TENM1: variants seen among roughly 807,000 people sequenced by gnomAD.
TENM1 encodes the protein teneurin transmembrane protein 1, also known as teneurin-1.
Under a neutral mutation model 174.8 loss-of-function variants are expected in TENM1, and 35 were observed. The ratio of observed to expected loss-of-function variants is 0.20; its 90% confidence interval spans 0.15 to 0.27. The LOEUF (loss-of-function observed/expected upper bound fraction) is 0.27. Among genes scored for constraint, TENM1 ranks in the 10% least tolerant of loss-of-function variants. The pLI, the probability that TENM1 is intolerant of heterozygous loss-of-function variation, is 1.00. For synonymous variants in TENM1, 781 were observed against 798.7 expected, an observed-to-expected ratio of 0.98 and a Z score of 0.37; for missense variants, 1,633 against 2,130.1, an observed-to-expected ratio of 0.77 and a Z score of 4.59.
chrX:125,121,495 TCCCA>T, the TENM1 span, among the ~76,000 whole-genome samples: 1 of 112,293 alleles, frequency 8.9e-6, no homozygotes, highest in African/African-American at 3.2e-5. Context: ...GTGGAATTTG[TCCCA>T]TTTTCCAGTA....
intron 3 of TENM1, among the ~76,000 whole-genome samples, chrX:124,889,680 GT>G (rs1470423331): frequency 1.8e-5 from 2 of 110,878 alleles, no homozygotes; most frequent in Non-Finnish European, 3.8e-5. Flanking sequence ...TACATGAGAT[GT>G]TTTGATATAG....
At chrX:125,125,250 T>C in the TENM1 span, among the ~76,000 whole-genome samples, 1 of 112,152 alleles carries the variant, frequency 8.9e-6, no homozygotes, top group Non-Finnish European at 1.9e-5. Flanking sequence ...CCTCATCAGG[T>C]TTGGCTAATA....
chrX:125,086,497 T>A, the TENM1 span, among the ~76,000 whole-genome samples: 1 of 111,209 alleles, frequency 9.0e-6, no homozygotes, highest in Admixed American at 9.7e-5. Flanking sequence ...TTTATGTTTC[T>A]CGAAAAAAAT....
chrX:124,753,025 A>G (rs1487430333), intron 3 of TENM1, among the ~76,000 whole-genome samples: 1 of 111,106 alleles, frequency 9.0e-6, no homozygotes, highest in Non-Finnish European at 1.9e-5. Flanking sequence ...TTGTGTGAAG[A>G]AAGTCATTGG....
Position 124,603,631 on chromosome X carries a change from T to C in TENM1, c.2078-38071A>G, listed in dbSNP as rs7056964. On this transcript the variant is annotated intron_variant, in intron 11 of 31. Coordinates refer to ENST00000422452, the Ensembl canonical transcript of TENM1. ...CACTACACTAAACTGCTTTCAGAAG[T>C]TATTTGGATACACCACAGTAGTTGG... Among the ~76,000 whole-genome samples the C allele has an allele frequency of 2.9e-3, 321 of 111,841 alleles. 2 individuals carry two copies. Among genetic ancestry groups the C allele is most frequent in the African/African-American group, 9.7e-3 (298 of 30,847 alleles).
At chrX:124,705,509 A>C (rs1311177835) in intron 4 of TENM1, among the ~76,000 whole-genome samples, 1 of 110,115 alleles carries the variant, frequency 9.1e-6, no homozygotes, top group Non-Finnish European at 1.9e-5. Flanking sequence ...CTGGCTAGTG[A>C]GTGCTAACAT....
At chrX:125,158,677 C>G in the TENM1 span, among the ~76,000 whole-genome samples, 2 of 110,857 alleles carry the variant, frequency 1.8e-5, no homozygotes, top group Non-Finnish European at 3.8e-5. Flanking sequence ...CTGCAAAATA[C>G]CAGTGTTTGG....
In TENM1 at chrX:124,832,081, C is replaced by T. The variant is rs191521359; in HGVS notation, c.535+62215G>A. On this transcript the variant is annotated intron_variant, in intron 3 of 31. Coordinates refer to ENST00000422452, the Ensembl canonical transcript of TENM1. ...TGTTTTATCACATCCCAGAGTCCCTCGAGATACAAGAAGTGGGGGAGGCCT... is the reference window on the plus strand; with the variant it reads ...TGTTTTATCACATCCCAGAGTCCCTTGAGATACAAGAAGTGGGGGAGGCCT... 1.0e-3 allele frequency among the ~76,000 whole-genome samples: 113 copies of T among 111,648 alleles called. 1 individual carries two copies. In the East Asian group the frequency reaches 0.023, roughly 23 times the overall value.
At chrX:125,161,890 C>G in the TENM1 span, among the ~76,000 whole-genome samples, 1 of 112,193 alleles carries the variant, frequency 8.9e-6, no homozygotes, top group Non-Finnish European at 1.9e-5. Flanking sequence ...CAGATCCTGA[C>G]TCAATCACAG....
intron 5 of TENM1, among the ~76,000 whole-genome samples, chrX:124,699,617 T>A (rs1224983071): frequency 8.9e-6 from 1 of 111,799 alleles, no homozygotes; most frequent in Admixed American, 9.5e-5. Context: ...GACCTAACTC[T>A]GATTCTAGAA....
At chrX:124,607,583 G>T (rs2050189047) in intron 11 of TENM1, among the ~76,000 whole-genome samples, 1 of 111,406 alleles carries the variant, frequency 9.0e-6, no homozygotes. Context: ...GTTAGTAGGA[G>T]ATGGTGTGAG....
At chrX:124,443,754 G>A (rs1230703146) in intron 23 of TENM1, among the ~76,000 whole-genome samples, 2 of 111,706 alleles carry the variant, frequency 1.8e-5, no homozygotes, top group African/African-American at 6.5e-5. Flanking sequence ...ATTTTTTCAA[G>A]TGGTTCTTAT....
At chrX:124,972,714 TAGG>T in the TENM1 span, among the ~76,000 whole-genome samples, 51 of 112,208 alleles carry the variant, frequency 4.5e-4, no homozygotes, top group African/African-American at 1.6e-3. Context: ...CACCACTTTT[TAGG>T]AGATGGGCTG....
intron 20 of TENM1, among the ~76,000 whole-genome samples, chrX:124,491,441 T>A (rs2047063945): frequency 9.0e-6 from 1 of 111,541 alleles, no homozygotes; most frequent in African/African-American, 3.3e-5. Context: ...TAGAAGTGAA[T>A]CTATCTTAAA....
chrX:125,107,942 T>C, the TENM1 span, among the ~76,000 whole-genome samples: 1 of 111,949 alleles, frequency 8.9e-6, no homozygotes, highest in South Asian at 3.7e-4. Flanking sequence ...CTATATTCTG[T>C]CCAGACCTTT....
chrX:124,730,184 T>C (rs1054960383), intron 4 of TENM1, among the ~76,000 whole-genome samples: 22 of 111,582 alleles, frequency 2.0e-4, no homozygotes, highest in African/African-American at 6.9e-4. Context: ...GTATTCTATT[T>C]AAAAGCATGC....
intron 19 of TENM1, among the ~76,000 whole-genome samples, chrX:124,500,437 GTT>G (rs756473657): frequency 5.1e-4 from 57 of 111,791 alleles, no homozygotes; most frequent in African/African-American, 1.4e-3. Flanking sequence ...AAAATATTTT[GTT>G]TATGTTCCTA....
chrX:124,861,422 C>T (rs1321881683), intron 3 of TENM1, among the ~76,000 whole-genome samples: 2 of 111,757 alleles, frequency 1.8e-5, no homozygotes, highest in Non-Finnish European at 1.9e-5. Context: ...CCATTTGCCA[C>T]ACTTTTCAAC....
At chrX:125,094,802 T>G in the TENM1 span, among the ~76,000 whole-genome samples, 2 of 112,378 alleles carry the variant, frequency 1.8e-5, no homozygotes, top group African/African-American at 6.5e-5. Context: ...AGAAGACTTC[T>G]GAGAAATATG....
Sources: allele counts gnomAD v4.1 joint callset (sites outside exome capture counted in the v4.1 genomes callset), GRCh38; gene constraint gnomAD v4.1.1; transcripts MANE v1.5; gene names NCBI Gene and HGNC (gene_info 2026-07-23, HGNC 2026-07-21).